PPP1R9A: variants seen among roughly 807,000 people sequenced by gnomAD.
PPP1R9A encodes protein phosphatase 1 regulatory subunit 9A.
In PPP1R9A, 59 loss-of-function variants were observed where a neutral mutation model predicts 141.9. The observed-to-expected ratio is 0.42, with a 90% CI of 0.34 to 0.52. The LOEUF is 0.52. Ranked by LOEUF, PPP1R9A falls within the 20% of genes least tolerant of loss-of-function variation. The pLI is 0.10. For synonymous variants in PPP1R9A, 500 were observed against 569.7 expected (o/e 0.88, Z 1.74); for missense variants, 1,444 against 1,611.9 (o/e 0.90, Z 1.78).
At chr7:95,234,117 G>GA (rs1477460324) in intron 8 of PPP1R9A, among the ~76,000 whole-genome samples, 1 of 152,100 alleles carries the variant, frequency 6.6e-6, no homozygotes, top group Non-Finnish European at 1.5e-5. Context: ...GTGAAAACTG[G>GA]AACAAGACAA....
chr7:94,910,221 A>G lies in PPP1R9A; in HGVS notation c.108A>G (p.Lys36=). ...AGGCACTGAAAAGTACCTTTGACAA[A>G]CCCAAGTCAGATGGGGAACAAAAAA... ...EFQALKSTFD[K]PKSDGEQKTK... Residue 36 remains lysine (K), a synonymous_variant, in exon 2 of 20, where the codon AAA becomes AAG. Transcript: ENST00000433360. The surrounding 1 kb of genome is among the most constrained non-coding windows in gnomAD (Gnocchi z 4.5). 2 of 1,614,030 alleles carry G rather than the reference A, an allele frequency of 1.2e-6. No individual in the cohort carries two copies. Among genetic ancestry groups the G allele is most frequent in the Non-Finnish European group, 1.7e-6 (2 of 1,179,980 alleles).
At chr7:95,231,643 T>C (rs1795972321) in intron 8 of PPP1R9A, among the ~76,000 whole-genome samples, 1 of 152,158 alleles carries the variant, frequency 6.6e-6, no homozygotes, top group African/African-American at 2.4e-5. Context: ...TGCTCCTGAA[T>C]GATTGTTGGG....
intron 2 of PPP1R9A, among the ~76,000 whole-genome samples, chr7:95,068,473 G>GAAAAAAAAAAA (rs36043693): frequency 1.1e-5 from 1 of 94,214 alleles, no homozygotes; most frequent in African/African-American, 4.1e-5. Flanking sequence ...CTTGTCTCAA[G>GAAAAAAAAAAA]AAAAAAAAAA....
At chr7:95,266,868 T>C (rs1271121962) in intron 12 of PPP1R9A, among the ~76,000 whole-genome samples, 2 of 152,118 alleles carry the variant, frequency 1.3e-5, no homozygotes, top group Non-Finnish European at 2.9e-5. Context: ...ACTAATGAAC[T>C]CTTAATGGGC....
At chr7:95,012,542 A>G (rs1804570912) in intron 2 of PPP1R9A, among the ~76,000 whole-genome samples, 1 of 152,046 alleles carries the variant, frequency 6.6e-6, no homozygotes, top group Non-Finnish European at 1.5e-5. Context: ...TCTTTAGGAT[A>G]CCTTTGGAGT....
chr7:95,200,492 C>A (rs1408768628), intron 6 of PPP1R9A, among the ~76,000 whole-genome samples: 1 of 151,804 alleles, frequency 6.6e-6, no homozygotes, highest in African/African-American at 2.4e-5. Flanking sequence ...GTTGTCCAGG[C>A]CTGTCTTGAA....
At chr7:95,109,161 G>T (rs1455853066) in intron 2 of PPP1R9A, among the ~76,000 whole-genome samples, 2 of 152,092 alleles carry the variant, frequency 1.3e-5, no homozygotes, top group East Asian at 1.9e-4. Flanking sequence ...TTGGTCTAGG[G>T]TCTTATATTT....
intron 8 of PPP1R9A, among the ~76,000 whole-genome samples, chr7:95,228,100 A>G (rs1339283951): frequency 6.6e-6 from 1 of 151,956 alleles, no homozygotes; most frequent in African/African-American, 2.4e-5. Context: ...GAAGGATCAT[A>G]TTGTATTAGA....
intron 2 of PPP1R9A, among the ~76,000 whole-genome samples, chr7:95,056,918 C>A (rs1447213044): frequency 2.6e-5 from 4 of 152,080 alleles, no homozygotes; most frequent in Non-Finnish European, 5.9e-5. Context: ...TTATCAGACA[C>A]ACCTTCACTA....
rs771528220 is a variant in PPP1R9A at position 95,120,693 on chromosome 7, CT to C, written c.1529-12del. ...AAACTTAAGTTGTTTCACCTCCCCCCTTTTTTTCTTTTTAATAGATGAGGAT... is the reference window on the plus strand; with the variant it reads ...AAACTTAAGTTGTTTCACCTCCCCCCTTTTTTCTTTTTAATAGATGAGGAT... On this transcript the variant is annotated intron_variant, in intron 3 of 19. Coordinates refer to ENST00000433360, the MANE Select transcript of PPP1R9A (RefSeq NM_001166160.2). 1.2e-5 allele frequency: 20 copies of C among 1,606,274 alleles called. No individual in the cohort carries two copies. The highest frequency in any genetic ancestry group is 4.5e-5 in the South Asian group (4 of 89,024).
At chr7:94,927,041 A>T (rs1793568225) in intron 2 of PPP1R9A, among the ~76,000 whole-genome samples, 1 of 152,192 alleles carries the variant, frequency 6.6e-6, no homozygotes. Flanking sequence ...TTGCTTGTTC[A>T]TGCAAATTTG....
At chr7:94,980,051 C>A (rs1463507029) in intron 2 of PPP1R9A, among the ~76,000 whole-genome samples, 1 of 151,970 alleles carries the variant, frequency 6.6e-6, no homozygotes, top group Non-Finnish European at 1.5e-5. Context: ...TAGATTGATG[C>A]TTGTTCTTAA....
intron 2 of PPP1R9A, among the ~76,000 whole-genome samples, chr7:95,013,139 C>T (rs565870156): frequency 6.6e-6 from 1 of 152,224 alleles, no homozygotes; most frequent in South Asian, 2.1e-4. Context: ...ACCCATGCCA[C>T]TTGACCATTT....
rs199838366 is a variant in PPP1R9A, at chr7:95,015,249, T to C, written c.1396-96010T>C. On this transcript the variant is annotated intron_variant, in intron 2 of 19. Transcript: ENST00000433360. ...ATATACACACACACACACACACACA[T>C]ACACACACACATACATATACATATA... is the stretch of plus-strand genomic sequence containing the variant. Among the ~76,000 whole-genome samples, 34 of 150,180 alleles carry C rather than the reference T, an allele frequency of 2.3e-4. No individual in the cohort carries two copies. In the East Asian group the frequency reaches 2.5e-3, roughly 11 times the overall value.
In PPP1R9A at chr7:95,250,008, G is replaced by C. The variant is rs977948257; in HGVS notation, c.2167-18G>C. On this transcript the variant is annotated intron_variant, in intron 9 of 19. Transcript: ENST00000433360. Reference sequence around the variant, plus strand: ...AAAGTGGCCAAATTATCTTTGCCTTGACGTTTGCTTTCTCCAGCTGCAGGC... The same window carrying C: ...AAAGTGGCCAAATTATCTTTGCCTTCACGTTTGCTTTCTCCAGCTGCAGGC... 2.6e-6 allele frequency: 4 copies of C among 1,568,620 alleles called. No individual in the cohort carries two copies. The highest frequency in any genetic ancestry group is 3.4e-6 in the Non-Finnish European group (4 of 1,160,694).
At chr7:95,196,070 C>CGTGT (rs61241471) in intron 5 of PPP1R9A, among the ~76,000 whole-genome samples, 3,869 of 149,036 alleles carry the variant, frequency 0.026, 128 homozygotes, top group African/African-American at 0.076. Context: ...TACACACATA[C>CGTGT]GTGTGTGTGT....
intron 5 of PPP1R9A, among the ~76,000 whole-genome samples, chr7:95,166,645 T>G (rs1831309722): frequency 6.6e-6 from 1 of 152,092 alleles, no homozygotes; most frequent in Admixed American, 6.6e-5. Flanking sequence ...CAGAGGAACT[T>G]CTCCCTGATT....
At chr7:95,159,108 T>A (rs1245682519) in intron 4 of PPP1R9A, among the ~76,000 whole-genome samples, 1 of 152,224 alleles carries the variant, frequency 6.6e-6, no homozygotes, top group South Asian at 2.1e-4. Context: ...CAGCAATATT[T>A]TATTATACCT....
In PPP1R9A at chr7:95,290,317, A is replaced by G. The variant is rs1454765675; in HGVS notation, c.*14A>G. The G allele has an allele frequency of 1.2e-6, 2 of 1,600,492 alleles. No individual in the cohort carries two copies. Among genetic ancestry groups the G allele is most frequent in the South Asian group, 1.1e-5 (1 of 89,018 alleles). ...GGTGAGCAGTAACACATACCCTCTT[A>G]CAGATGATGGAGATGCTCCAAGAGA... On this transcript the variant is annotated 3_prime_UTR_variant, in exon 20 of 20. Coordinates refer to ENST00000433360, the MANE Select transcript of PPP1R9A (RefSeq NM_001166160.2).
Sources: gnomAD v4.1 joint callset for allele counts (sites outside exome capture counted in the v4.1 genomes callset) on GRCh38, gnomAD v4.1.1 for gene constraint, Gnocchi (gnomAD v3.1) non-coding constraint, MANE v1.5 for transcripts, NCBI Gene and HGNC (gene_info 2026-07-23, HGNC 2026-07-21) for gene names.